The following VPS13D variants were observed in gnomAD, a reference collection of about 807,000 sequenced individuals.
VPS13D encodes the protein vacuolar protein sorting 13 homolog D.
A neutral mutation model predicts 461.9 loss-of-function variants in VPS13D; 187 were observed. That is an observed-to-expected ratio of 0.40 (90% CI 0.36 to 0.46). VPS13D has a LOEUF of 0.46. Ranked by LOEUF, VPS13D falls within the 20% of genes least tolerant of loss-of-function variation. VPS13D has a pLI of 0.60. For synonymous variants in VPS13D, 1,951 were observed against 1,986.3 expected (o/e 0.98, Z 0.47); for missense variants, 4,711 against 5,364.9 (o/e 0.88, Z 3.81).
At chr1:12,343,435 G>A (rs1317929084) in intron 42 of VPS13D, among the ~76,000 whole-genome samples, 2 of 152,126 alleles carry the variant, frequency 1.3e-5, no homozygotes, top group Non-Finnish European at 2.9e-5. Context: ...TTCCCAAAGT[G>A]CTGGGATTAC....
intron 63 of VPS13D, among the ~76,000 whole-genome samples, chr1:12,405,044 G>A (rs1040144145): frequency 4.6e-5 from 7 of 152,194 alleles, no homozygotes; most frequent in African/African-American, 1.7e-4. Context: ...AGAGATATGA[G>A]CAGATAAGAA....
intron 6 of VPS13D, among the ~76,000 whole-genome samples, chr1:12,249,917 C>T (rs1194446245): frequency 6.6e-6 from 1 of 152,146 alleles, no homozygotes; most frequent in African/African-American, 2.4e-5. Flanking sequence ...ACTGCAGACC[C>T]CGCTGGGTAA....
At chr1:12,307,183 T>C (rs1328313530) in intron 26 of VPS13D, among the ~76,000 whole-genome samples, 1 of 152,252 alleles carries the variant, frequency 6.6e-6, no homozygotes, top group African/African-American at 2.4e-5. Flanking sequence ...CTGTTAGACA[T>C]GGCTCCTCCT....
rs530004407 is a variant in VPS13D, at chr1:12,271,478, G to A, written c.2103+354G>A. On this transcript the variant is annotated intron_variant, in intron 17 of 69. Coordinates refer to ENST00000620676, the MANE Select transcript of VPS13D (RefSeq NM_015378.4). ...GAGGTCAGGAGTTCGAGACCAGCCT[G>A]GCCAACATGGTGAAACCCCATCTCT... Among the ~76,000 whole-genome samples the A allele has an allele frequency of 5.3e-5, 8 of 152,214 alleles. No individual in the cohort carries two copies. In the South Asian group the frequency reaches 1.5e-3, roughly 28 times the overall value.
chr1:12,379,847 C>T (rs1020744089), intron 57 of VPS13D, among the ~76,000 whole-genome samples: 1 of 151,684 alleles, frequency 6.6e-6, no homozygotes, highest in Non-Finnish European at 1.5e-5. Context: ...CGGCTCACTG[C>T]AAGCTCCGCC....
chr1:12,253,549 G>A (rs1467298234), intron 6 of VPS13D, among the ~76,000 whole-genome samples, 173 bp from the exon 7 acceptor site: 1 of 152,204 alleles, frequency 6.6e-6, no homozygotes, highest in Non-Finnish European at 1.5e-5. Context: ...TGTATCGCCA[G>A]TTAGCTAGAT....
intron 38 of VPS13D, 112 bp downstream of exon 38, chr1:12,333,478 T>G: frequency 7.6e-7 from 1 of 1,322,342 alleles, no homozygotes; most frequent in Non-Finnish European, 1.0e-6. Flanking sequence ...CAGGCATCAC[T>G]TCTTCATCCT....
chr1:12,330,944 C>G (rs116421785), intron 37 of VPS13D, among the ~76,000 whole-genome samples: 4,324 of 152,290 alleles, frequency 0.028, 113 homozygotes, highest in African/African-American at 0.062. Flanking sequence ...GTCAGTGACA[C>G]TATATATTCT....
In VPS13D at chr1:12,502,640, C is replaced by T. The variant is rs1336030741; in HGVS notation, c.12795-4213C>T. Among the ~76,000 whole-genome samples, 8 of 129,910 alleles carry T rather than the reference C, an allele frequency of 6.2e-5. No homozygotes were observed. Among genetic ancestry groups the T allele is most frequent in the African/African-American group, 3.3e-5 (1 of 30,680 alleles). The allele number at this position is 129,910 out of a possible 152,430, so 85.2% of individuals were successfully genotyped here. A position where few individuals can be genotyped will look rare whatever the true frequency, so the allele number is the denominator to read the frequency against. On this transcript the variant is annotated intron_variant, in intron 68 of 69. Transcript: ENST00000620676. The surrounding 1 kb of genome is among the most constrained non-coding windows in gnomAD (Gnocchi z 4.3). ...ATCAGGTATATAAATGAGTTAATAT[C>T]GAAAAAAAAAAAAAAGAGCAGGAGG...
intron 65 of VPS13D, among the ~76,000 whole-genome samples, chr1:12,453,563 G>C (rs1348399031): frequency 6.6e-6 from 1 of 152,116 alleles, no homozygotes; most frequent in Non-Finnish European, 1.5e-5. Flanking sequence ...TTTTTGTCTG[G>C]AACCTGAAGA....
At chr1:12,257,163 C>G in intron 9 of VPS13D, 76 bp downstream of exon 9, 1 of 1,291,106 alleles carries the variant, frequency 7.7e-7, no homozygotes, top group Non-Finnish European at 1.1e-6. Flanking sequence ...AGAAATATGC[C>G]TCACTGTCCT....
rs769998766 is a variant in VPS13D at position 12,416,722 on chromosome 1, G to C, written c.12228G>C (p.Gly4076=). The C allele has an allele frequency of 1.2e-6, 2 of 1,614,084 alleles. No homozygotes were observed. Among genetic ancestry groups the C allele is most frequent in the South Asian group, 2.2e-5 (2 of 91,064 alleles). Residue 4076 remains glycine (G), a synonymous_variant, in exon 65 of 70, where the codon GGG becomes GGC. Coordinates refer to ENST00000620676, the MANE Select transcript of VPS13D (RefSeq NM_015378.4). ...GSVDFLGNPM[G]LLNDVSEGVT... is the part of the protein sequence containing the mutation. Reference sequence around the variant, plus strand: ...TGGATTTTCTTGGCAATCCTATGGGGCTTTTGAATGATGTTTCTGAAGGGG... The same window carrying C: ...TGGATTTTCTTGGCAATCCTATGGGCCTTTTGAATGATGTTTCTGAAGGGG...
At chr1:12,349,743 T>C (rs72868210) in intron 46 of VPS13D, among the ~76,000 whole-genome samples, 9,749 of 152,280 alleles carry the variant, frequency 0.064, 483 homozygotes, top group Admixed American at 0.12. Flanking sequence ...TGGAGTTTTT[T>C]GAATGAGAGA....
chr1:12,290,967 T>G (rs1642116455), intron 22 of VPS13D, 31 bp from the exon 23 acceptor site: 1 of 1,578,722 alleles, frequency 6.3e-7, no homozygotes, highest in Non-Finnish European at 8.6e-7. Context: ...AAAGGATACA[T>G]AGTAATGTGT....
chr1:12,487,479 C>T (rs1033009639), intron 67 of VPS13D, among the ~76,000 whole-genome samples: 1 of 151,970 alleles, frequency 6.6e-6, no homozygotes, highest in African/African-American at 2.4e-5. Context: ...GGCATGGTGC[C>T]GTATACCTGT....
chr1:12,265,285 G>A (rs554637239), intron 13 of VPS13D, among the ~76,000 whole-genome samples: 1 of 152,206 alleles, frequency 6.6e-6, no homozygotes, highest in East Asian at 1.9e-4. Context: ...CAACATTCAA[G>A]TTTGTTTGTT....
chr1:12,275,546 G>A (rs964877706), intron 18 of VPS13D, among the ~76,000 whole-genome samples: 8 of 152,224 alleles, frequency 5.3e-5, no homozygotes, highest in Admixed American at 5.2e-4. Flanking sequence ...CAGGGGAGAA[G>A]TGGGGAGGCA....
chr1:12,272,941 G>A, intron 17 of VPS13D, 62 bp from the exon 18 acceptor site: 1 of 1,579,568 alleles, frequency 6.3e-7, no homozygotes. Context: ...AAATGCTTGA[G>A]CACCATGGAT....
At chr1:12,388,454 A>C (rs2101658744) in intron 60 of VPS13D, among the ~76,000 whole-genome samples, 1 of 152,130 alleles carries the variant, frequency 6.6e-6, no homozygotes, top group South Asian at 2.1e-4. Flanking sequence ...CACACCTGTA[A>C]TCCCAGTTAC....
Sources: gnomAD v4.1 joint callset for allele counts (sites outside exome capture counted in the v4.1 genomes callset) on GRCh38, gnomAD v4.1.1 for gene constraint, Gnocchi (gnomAD v3.1) non-coding constraint, MANE v1.5 for transcripts, NCBI Gene and HGNC (gene_info 2026-07-23, HGNC 2026-07-21) for gene names.